CNTN4: variants seen among roughly 807,000 people sequenced by gnomAD.
The protein encoded by CNTN4 is contactin 4, also known as contactin-4.
CNTN4 carries 77 observed loss-of-function variants against 122.5 expected under a neutral mutation model. The ratio of observed to expected loss-of-function variants is 0.63; its 90% CI spans 0.52 to 0.76. CNTN4 has a LOEUF of 0.76. Ranked by LOEUF, CNTN4 falls within the 30% of genes least tolerant of loss-of-function variation. The probability of loss-of-function intolerance (pLI) is 0.00; values close to 1 mark genes in which losing one functional copy is unlikely to be tolerated. For missense variants in CNTN4, 1,256 were observed against 1,259.1 expected, an observed-to-expected ratio of 1.00 and a Z score of 0.04; for synonymous variants, 512 against 447.0, an observed-to-expected ratio of 1.15 and a Z score of -1.83.
intron 3 of CNTN4, among the ~76,000 whole-genome samples, chr3:2,423,117 C>G (rs1467317177): frequency 6.6e-6 from 1 of 152,164 alleles, no homozygotes; most frequent in Non-Finnish European, 1.5e-5. Flanking sequence ...ATAATTGATT[C>G]ATCTGAGAAC....
chr3:2,627,794 A>G (rs2082270435), intron 4 of CNTN4, among the ~76,000 whole-genome samples: 1 of 152,172 alleles, frequency 6.6e-6, no homozygotes, highest in African/African-American at 2.4e-5. Context: ...TGCCTGGCCA[A>G]CTGTCATTTT....
chr3:2,244,770 C>T (rs1575161101), intron 2 of CNTN4, among the ~76,000 whole-genome samples: 1 of 151,792 alleles, frequency 6.6e-6, no homozygotes, highest in African/African-American at 2.4e-5. Context: ...AGGAGAGAGA[C>T]AAACAAGGAG....
intron 14 of CNTN4, among the ~76,000 whole-genome samples, chr3:3,019,171 CATA>C (rs1698042690): frequency 6.6e-6 from 1 of 152,164 alleles, no homozygotes; most frequent in Non-Finnish European, 1.5e-5. Flanking sequence ...TGACAACCAT[CATA>C]AAAGCCACTA....
chr3:2,709,787 A>T lies in CNTN4; in HGVS notation c.56-26428A>T, dbSNP rs1034620769. ...AAATTAGCCAGGCGTGGTGGTGCAC[A>T]CCTGTAGTCCCAGCTACTTGGGAGG... On this transcript the variant is annotated intron_variant, in intron 4 of 24. Coordinates refer to ENST00000418658, the MANE Select transcript of CNTN4 (RefSeq NM_175607.3). This position sits in a 1 kb window ranked among gnomAD's most constrained non-coding sequence, Gnocchi z 5.0. 3.3e-5 allele frequency among the ~76,000 whole-genome samples: 5 copies of T among 151,896 alleles called. No individual in the cohort carries two copies. The highest frequency in any genetic ancestry group is 1.2e-4 in the African/African-American group (5 of 41,366).
At chr3:2,197,067 A>AG (rs1225959831) in intron 2 of CNTN4, among the ~76,000 whole-genome samples, 6 of 149,338 alleles carry the variant, frequency 4.0e-5, no homozygotes, top group African/African-American at 1.5e-4. Context: ...AAAAAAAAAA[A>AG]AAAGAAGAAG....
At chr3:2,341,420 G>T (rs1427212247) in intron 3 of CNTN4, among the ~76,000 whole-genome samples, 2 of 152,244 alleles carry the variant, frequency 1.3e-5, no homozygotes, top group African/African-American at 4.8e-5. Flanking sequence ...GAACCTAGCA[G>T]TGCATGCACA....
At chr3:2,644,623 G>A (rs1026020079) in intron 4 of CNTN4, among the ~76,000 whole-genome samples, 1 of 150,864 alleles carries the variant, frequency 6.6e-6, no homozygotes, top group African/African-American at 2.4e-5. Context: ...AGAAGAACTG[G>A]ATTTCCTAAG....
chr3:2,521,744 G>A (rs529979635), intron 3 of CNTN4, among the ~76,000 whole-genome samples: 44 of 151,910 alleles, frequency 2.9e-4, no homozygotes, highest in African/African-American at 8.7e-4. Flanking sequence ...CTCTCCCTTC[G>A]GACTTCCCTT....
intron 14 of CNTN4, among the ~76,000 whole-genome samples, chr3:3,022,099 T>C (rs9867477): frequency 0.093 from 13,778 of 148,674 alleles, 708 homozygotes; most frequent in Admixed American, 0.11. Context: ...AAAGAATTAG[T>C]TGGGCATGGT....
chr3:3,032,040 T>G (rs960460441), intron 16 of CNTN4, among the ~76,000 whole-genome samples: 1 of 152,130 alleles, frequency 6.6e-6, no homozygotes, highest in African/African-American at 2.4e-5. Flanking sequence ...TTAAACTGAT[T>G]GTGAAGAGAG....
At chr3:2,317,179 A>T (rs1469970678) in intron 2 of CNTN4, among the ~76,000 whole-genome samples, 1 of 152,242 alleles carries the variant, frequency 6.6e-6, no homozygotes, top group African/African-American at 2.4e-5. Context: ...GTATAAATGC[A>T]AGGATTAGCG....
chr3:2,651,706 T>G (rs2083366903), intron 4 of CNTN4, among the ~76,000 whole-genome samples: 1 of 144,146 alleles, frequency 6.9e-6, no homozygotes, highest in African/African-American at 2.7e-5. Flanking sequence ...TTTCTTTTTT[T>G]TCTTTTTTTT....
intron 2 of CNTN4, among the ~76,000 whole-genome samples, chr3:2,169,868 GAAT>G (rs1320302117): frequency 1.3e-5 from 2 of 152,058 alleles, no homozygotes; most frequent in African/African-American, 4.8e-5. Context: ...ACAGAATTAA[GAAT>G]AAATAATGGG....
At chr3:2,286,199 A>T (rs2041892970) in intron 2 of CNTN4, among the ~76,000 whole-genome samples, 2 of 143,258 alleles carry the variant, frequency 1.4e-5, no homozygotes. Context: ...TATTTCTCGG[A>T]TCTCCTGCCG....
At chr3:2,807,535 A>G (rs900811324) in intron 6 of CNTN4, among the ~76,000 whole-genome samples, 12 of 151,994 alleles carry the variant, frequency 7.9e-5, no homozygotes, top group African/African-American at 2.9e-4. Flanking sequence ...AGCATCCAGT[A>G]TCCCAAGATA....
At chr3:2,663,291 C>G (rs1228074561) in intron 4 of CNTN4, among the ~76,000 whole-genome samples, 1 of 152,004 alleles carries the variant, frequency 6.6e-6, no homozygotes, top group African/African-American at 2.4e-5. Flanking sequence ...AATGAGCTAA[C>G]AAGTAATTGA....
intron 3 of CNTN4, among the ~76,000 whole-genome samples, chr3:2,363,084 C>T (rs1214288058): frequency 6.6e-6 from 1 of 152,108 alleles, no homozygotes; most frequent in African/African-American, 2.4e-5. Context: ...GTATCTATAT[C>T]TGAACCAGTC....
At chr3:2,955,497 G>T (rs760536301) in intron 13 of CNTN4, among the ~76,000 whole-genome samples, 1 of 152,124 alleles carries the variant, frequency 6.6e-6, no homozygotes, top group Non-Finnish European at 1.5e-5. Flanking sequence ...TAAATATTCA[G>T]ATATTCAATT....
intron 2 of CNTN4, among the ~76,000 whole-genome samples, chr3:2,161,774 T>TA (rs2035977165): frequency 6.6e-6 from 1 of 152,198 alleles, no homozygotes; most frequent in Non-Finnish European, 1.5e-5. Flanking sequence ...CCAGTATAGT[T>TA]AAGTTACGAA....
Sources: allele counts gnomAD v4.1 joint callset (sites outside exome capture counted in the v4.1 genomes callset), GRCh38; gene constraint gnomAD v4.1.1; non-coding constraint Gnocchi (gnomAD v3.1); transcripts MANE v1.5; gene names NCBI Gene and HGNC (gene_info 2026-07-23, HGNC 2026-07-21).